The following SSX7 variants were observed in gnomAD, a reference collection of about 807,000 sequenced individuals.
The protein encoded by SSX7 is protein SSX7.
Under a neutral mutation model 14.7 loss-of-function variants are expected in SSX7, and 15 were observed. The ratio of observed to expected loss-of-function variants is 1.02; its 90% CI spans 0.68 to 1.58. The LOEUF is 1.58. Ranked by LOEUF, SSX7 falls within the 40% of genes most tolerant of loss-of-function variation. The pLI is 0.00. For synonymous variants in SSX7, 46 were observed against 50.6 expected, an observed-to-expected ratio of 0.91 and a Z score of 0.38; for missense variants, 178 against 146.8, an observed-to-expected ratio of 1.21 and a Z score of -1.10.
In SSX7 at chrX:52,652,361, A is replaced by C. The variant is rs782642883; in HGVS notation, c.185-14T>G. The stretch of plus-strand genomic sequence containing the variant: ...TGGCCTTGAAGCCTAGAAAGAAGCA[A>C]AATGTTTATTCCTTAAGAGACAAGC... On this transcript the variant is annotated splice_polypyrimidine_tract_variant and intron_variant, in intron 3 of 7. Transcript: ENST00000298181. 1 of 1,137,122 alleles carries C rather than the reference A, an allele frequency of 8.8e-7. No individual in the cohort carries two copies. The highest frequency in any genetic ancestry group is 3.0e-5 in the East Asian group (1 of 33,342). 93.7% of individuals were successfully genotyped at this position (1,137,122 alleles called of 1,213,427 possible).
chrX:52,649,629 G>A (rs781851563), intron 5 of SSX7, among the ~76,000 whole-genome samples: 56 of 111,269 alleles, frequency 5.0e-4, no homozygotes, highest in Non-Finnish European at 9.6e-4. Context: ...TGCAGACAAG[G>A]TCCTCAAGGA....
In SSX7 at chrX:52,650,415, A is replaced by T. The variant is rs200806753; in HGVS notation, c.281-13T>A. 34 of 1,205,208 alleles carry T rather than the reference A, an allele frequency of 2.8e-5. No homozygotes were observed. The Admixed American group carries it at 4.6e-4, about 16-fold the overall frequency. On this transcript the variant is annotated splice_polypyrimidine_tract_variant and intron_variant, in intron 4 of 7. Coordinates refer to ENST00000298181, the MANE Select transcript of SSX7 (RefSeq NM_173358.2). ...TGAGGACGTTCAACTGAAAGAGAAT[A>T]TATCAGAATTTTTCTTTGTTGGTAA... is the stretch of plus-strand genomic sequence containing the variant.
At position 52,645,439 on chromosome X, in the gene SSX7, G is replaced by A. The variant is rs112111558; in HGVS notation, c.*4C>T. ...GGGGATGAGCCGAAGGTTCACTTACGGAGTTACTCGTCGTCTTCTTCAGGG... is the reference window on the plus strand; with the variant it reads ...GGGGATGAGCCGAAGGTTCACTTACAGAGTTACTCGTCGTCTTCTTCAGGG... On this transcript the variant is annotated splice_region_variant and 3_prime_UTR_variant, in exon 7 of 8. Coordinates refer to ENST00000298181, the MANE Select transcript of SSX7 (RefSeq NM_173358.2). 491 of 1,188,860 alleles carry A rather than the reference G, an allele frequency of 4.1e-4. 1 individual carries two copies. Among genetic ancestry groups the A allele is most frequent in the Admixed American group, 9.1e-4 (40 of 44,112 alleles).
chrX:52,651,605 T>G (rs1219787000), intron 4 of SSX7, among the ~76,000 whole-genome samples: 11 of 111,809 alleles, frequency 9.8e-5, no homozygotes, highest in African/African-American at 3.2e-4. Context: ...CCGGGCATGG[T>G]AGCTCACACT....
rs1925210817 is a variant in SSX7 at position 52,645,460 on chromosome X, C to G, written c.550G>C (p.Glu184Gln). The change falls in exon 7 of 8, where the codon GAA (glutamate) becomes CAA (glutamine). Residue 184 changes from glutamate to glutamine, a missense_variant. By Grantham distance (29) the Glu-to-Gln change is conservative. Coordinates refer to ENST00000298181, the MANE Select transcript of SSX7 (RefSeq NM_173358.2). The stretch of plus-strand genomic sequence containing the variant: ...TTACGGAGTTACTCGTCGTCTTCTT[C>G]AGGGTCGCTGATCTCTTCATAAATC... ...LVIYEEISDP[E>Q]EDDE 6.7e-6 allele frequency: 8 copies of G among 1,196,981 alleles called. No individual in the cohort carries two copies. In the East Asian group the frequency reaches 2.4e-4, roughly 35 times the overall value.
At chrX:52,648,556 G>A (rs1309221955) in intron 5 of SSX7, among the ~76,000 whole-genome samples, 160 bp from the exon 6 acceptor site, 3 of 111,793 alleles carry the variant, frequency 2.7e-5, no homozygotes, top group East Asian at 2.8e-4. Flanking sequence ...GAAGTTAGAC[G>A]GGAAAGGAAT....
chrX:52,654,778 T>C lies in SSX7; in HGVS notation c.-37A>G, dbSNP rs1228799956. 9.0e-6 allele frequency: 1 copy of C among 111,557 alleles called. No individual in the cohort carries two copies. Among genetic ancestry groups the C allele is most frequent in the Non-Finnish European group, 1.9e-5 (1 of 53,340 alleles). The allele number at this position is 111,557 out of a possible 1,213,427, so 9.2% of individuals were successfully genotyped here. ...CGTGCGTACTCTGAGTATGGAAGAA[T>C]CGAGAGAGAAAGTCAGAGCATGCAT... On this transcript the variant is annotated 5_prime_UTR_variant, in exon 1 of 8. Coordinates refer to ENST00000298181, the MANE Select transcript of SSX7 (RefSeq NM_173358.2).
At chrX:52,648,008 T>A (rs1441399117) in intron 6 of SSX7, among the ~76,000 whole-genome samples, 1 of 112,308 alleles carries the variant, frequency 8.9e-6, no homozygotes, top group African/African-American at 3.2e-5. Context: ...ATTCTTTATT[T>A]CCATCTTATG....
intron 4 of SSX7, among the ~76,000 whole-genome samples, chrX:52,651,805 G>T (rs1556767037): frequency 1.8e-5 from 2 of 111,432 alleles, no homozygotes; most frequent in Admixed American, 1.9e-4. Context: ...AACCCAGGAG[G>T]TGAAAGTTGG....
At chrX:52,649,318 C>A (rs1452817143) in intron 5 of SSX7, among the ~76,000 whole-genome samples, 2 of 111,827 alleles carry the variant, frequency 1.8e-5, no homozygotes, top group Non-Finnish European at 3.8e-5. Context: ...CGCTAGCCAC[C>A]GTGCCCCGCT....
In SSX7 at chrX:52,653,549, G is replaced by C. The variant is rs1601977605; in HGVS notation, c.-20-57C>G. 3 of 1,192,486 alleles carry C rather than the reference G, an allele frequency of 2.5e-6. No individual in the cohort carries two copies. The Admixed American group carries it at 6.5e-5, about 26-fold the overall frequency. The stretch of plus-strand genomic sequence containing the variant: ...CACAGCAGCTTTGGTCTTGTGGAGG[G>C]AGAAATCAGTGAAGGCCGGCCACCC... On this transcript the variant is annotated intron_variant, in intron 1 of 7. Transcript: ENST00000298181.
chrX:52,646,415 T>C (rs1430884970), intron 6 of SSX7, among the ~76,000 whole-genome samples: 6 of 112,797 alleles, frequency 5.3e-5, no homozygotes, highest in Non-Finnish European at 1.1e-4. Flanking sequence ...ATGGGGTACG[T>C]GAGATGTTTT....
chrX:52,646,224 T>G (rs1443252721), intron 6 of SSX7, among the ~76,000 whole-genome samples: 6 of 111,067 alleles, frequency 5.4e-5, no homozygotes, highest in African/African-American at 2.0e-4. Context: ...TCACCACGCC[T>G]GGCTAATATT....
intron 5 of SSX7, among the ~76,000 whole-genome samples, chrX:52,649,335 C>G (rs1925354417): frequency 8.9e-6 from 1 of 112,045 alleles, no homozygotes; most frequent in Non-Finnish European, 1.9e-5. Flanking sequence ...CGCTCTTAAT[C>G]TACTTTTTAT....
At chrX:52,654,173 G>A (rs1556767450) in intron 1 of SSX7, among the ~76,000 whole-genome samples, 1 of 109,564 alleles carries the variant, frequency 9.1e-6, no homozygotes, top group Admixed American at 9.9e-5. Flanking sequence ...AGGCCAAGGA[G>A]GGCGGATCGC....
chrX:52,645,621 A>G, intron 6 of SSX7, 78 bp from the exon 7 acceptor site: 1 of 862,732 alleles, frequency 1.2e-6, no homozygotes, highest in South Asian at 2.5e-5. Context: ...AAAAAAGGAG[A>G]TGCCTCCCCC....
intron 4 of SSX7, 37 bp downstream of exon 4, chrX:52,652,215 T>G (rs1472670936): frequency 1.8e-6 from 2 of 1,086,047 alleles, no homozygotes; most frequent in Non-Finnish European, 2.5e-6. Flanking sequence ...CAGCTGGGCT[T>G]GAGGAGACCC....
At chrX:52,647,185 G>A (rs782231021) in intron 6 of SSX7, among the ~76,000 whole-genome samples, 2 of 112,041 alleles carry the variant, frequency 1.8e-5, no homozygotes, top group Admixed American at 9.6e-5. Flanking sequence ...CAGGAGAAAT[G>A]TGTGAAGCTA....
At chrX:52,645,187 C>T (rs1340715982) in intron 7 of SSX7, among the ~76,000 whole-genome samples, 3 of 108,463 alleles carry the variant, frequency 2.8e-5, no homozygotes, top group African/African-American at 1.0e-4. Context: ...AGGAGAATGG[C>T]GTGAACCCGT....
Sources: allele counts gnomAD v4.1 joint callset (sites outside exome capture counted in the v4.1 genomes callset), GRCh38; gene constraint gnomAD v4.1.1; transcripts MANE v1.5; gene names NCBI Gene and HGNC (gene_info 2026-07-23, HGNC 2026-07-21).